The following COLEC11 variants were observed in gnomAD, a reference collection of about 807,000 sequenced individuals.
The protein encoded by COLEC11 is collectin-11.
Under a neutral mutation model 27.3 loss-of-function variants are expected in COLEC11, and 20 were observed. The observed-to-expected ratio is 0.73, with a 90% CI of 0.51 to 1.06. The LOEUF (loss-of-function observed/expected upper bound fraction) is 1.06. Among genes scored for constraint, COLEC11 ranks in the 50% least tolerant of loss-of-function variants. COLEC11 has a pLI of 0.00. For synonymous variants in COLEC11, 163 were observed against 154.7 expected, an observed-to-expected ratio of 1.05 and a Z score of -0.40; for missense variants, 310 against 383.0, an observed-to-expected ratio of 0.81 and a Z score of 1.59.
chr2:3,641,525 T>G (rs2147967635), intron 5 of COLEC11: 1 of 906,656 alleles, frequency 1.1e-6, no homozygotes, highest in Non-Finnish European at 1.5e-6. Flanking sequence ...GGAGGTTAAA[T>G]GAGGAAAGGA....
At chr2:3,604,243 G>A (rs1329858530) in intron 1 of COLEC11, 72 bp from the exon 2 acceptor site, 9 of 1,569,608 alleles carry the variant, frequency 5.7e-6, no homozygotes, top group South Asian at 3.3e-5. Flanking sequence ...CCTTGCCTCC[G>A]AGGCCTGCTC....
intron 5 of COLEC11, among the ~76,000 whole-genome samples, chr2:3,642,426 T>C (rs1308309797): frequency 6.6e-6 from 1 of 152,174 alleles, no homozygotes; most frequent in Non-Finnish European, 1.5e-5. Flanking sequence ...CTTCCCACCA[T>C]GGCTCTGCGT....
At chr2:3,619,444 T>G (rs1452823123) in intron 3 of COLEC11, among the ~76,000 whole-genome samples, 2 of 152,232 alleles carry the variant, frequency 1.3e-5, no homozygotes, top group African/African-American at 4.8e-5. Context: ...GGTGCATTCT[T>G]TGTATATGTG....
At chr2:3,617,166 T>C in intron 3 of COLEC11, among the ~76,000 whole-genome samples, 1 of 152,124 alleles carries the variant, frequency 6.6e-6, no homozygotes, top group East Asian at 1.9e-4. Context: ...TTAAACTTTT[T>C]ATTTGCATAT....
chr2:3,600,125 C>T (rs1353765357), intron 1 of COLEC11, among the ~76,000 whole-genome samples: 1 of 151,106 alleles, frequency 6.6e-6, no homozygotes, highest in East Asian at 2.0e-4. Context: ...GTCCCAGCTA[C>T]TTGCGAAGCT....
At chr2:3,630,842 C>T (rs561085954) in intron 3 of COLEC11, among the ~76,000 whole-genome samples, 5 of 152,310 alleles carry the variant, frequency 3.3e-5, no homozygotes, top group East Asian at 1.9e-4. Flanking sequence ...CCTTCACTCT[C>T]GGCCAGTCTG....
intron 2 of COLEC11, among the ~76,000 whole-genome samples, chr2:3,606,478 T>C (rs916179101): frequency 6.6e-6 from 1 of 152,186 alleles, no homozygotes; most frequent in African/African-American, 2.4e-5. Flanking sequence ...TCACCTGTCC[T>C]CCCAAGCCTC....
At chr2:3,627,504 C>T (rs1020795234) in intron 3 of COLEC11, among the ~76,000 whole-genome samples, 6 of 149,042 alleles carry the variant, frequency 4.0e-5, no homozygotes, top group Non-Finnish European at 8.9e-5. Flanking sequence ...TGGGGTGGAT[C>T]TGGGCATAAT....
At chr2:3,603,932 C>G in intron 1 of COLEC11, 1 of 576,600 alleles carries the variant, frequency 1.7e-6, no homozygotes, top group Non-Finnish European at 3.1e-6. Flanking sequence ...CCTCCCTCCG[C>G]TGTGCCCAGC....
chr2:3,620,008 A>G (rs1664067829), intron 3 of COLEC11, among the ~76,000 whole-genome samples: 1 of 152,160 alleles, frequency 6.6e-6, no homozygotes, highest in Admixed American at 6.5e-5. Context: ...CATCAGGGAT[A>G]TTGGCCTGTA....
Position 3,616,244 on chromosome 2 carries a change from G to A in COLEC11, c.202+2862G>A, listed in dbSNP as rs1349071777. 6.5e-4 allele frequency among the ~76,000 whole-genome samples: 98 copies of A among 150,628 alleles called. 5 individuals carry two copies. Among genetic ancestry groups the A allele is most frequent in the African/African-American group, 2.3e-3 (92 of 40,394 alleles). Reference sequence around the variant, plus strand: ...CTCCTCACTTCCCAGACAGGATGGCGGCCGGGAAGAGGCGCTCCTCACTTC... The same window carrying A: ...CTCCTCACTTCCCAGACAGGATGGCAGCCGGGAAGAGGCGCTCCTCACTTC... On this transcript the variant is annotated intron_variant, in intron 3 of 6. Coordinates refer to ENST00000349077, the MANE Select transcript of COLEC11 (RefSeq NM_024027.5).
chr2:3,605,711 T>C (rs543861898), intron 2 of COLEC11: 10 of 206,994 alleles, frequency 4.8e-5, no homozygotes, highest in Non-Finnish European at 8.9e-5. Flanking sequence ...TGCGGCTCTT[T>C]TTATTGAAAC....
chr2:3,636,282 C>T (rs551997243), intron 3 of COLEC11, among the ~76,000 whole-genome samples: 1 of 152,302 alleles, frequency 6.6e-6, no homozygotes, highest in South Asian at 2.1e-4. Flanking sequence ...TAGTGAAACC[C>T]CATCTCTGCT....
intron 2 of COLEC11, among the ~76,000 whole-genome samples, chr2:3,612,524 G>GGA (rs1336394759): frequency 2.6e-5 from 4 of 152,292 alleles, no homozygotes; most frequent in African/African-American, 9.6e-5. Context: ...ACCACACTGA[G>GGA]GAGAGGCTCA....
rs184709512 is a variant in COLEC11, at chr2:3,611,638, G to A, written c.131-1673G>A. Among the ~76,000 whole-genome samples, 17 of 151,604 alleles carry A rather than the reference G, an allele frequency of 1.1e-4. No homozygotes were observed. In the East Asian group the frequency reaches 2.9e-3, roughly 26 times the overall value. On this transcript the variant is annotated intron_variant, in intron 2 of 6. Coordinates refer to ENST00000349077, the MANE Select transcript of COLEC11 (RefSeq NM_024027.5). ...TCAGAGCAGCATGTGGGTGTTGATC[G>A]TGGGTCAGCCCAGGGGCAGCCCACA...
intron 2 of COLEC11, among the ~76,000 whole-genome samples, chr2:3,607,459 T>C (rs1181768231): frequency 6.9e-6 from 1 of 145,542 alleles, no homozygotes; most frequent in Non-Finnish European, 1.5e-5. Flanking sequence ...CTTTTTTTTT[T>C]TTTTTGAGAT....
chr2:3,624,917 T>C (rs991175305), intron 3 of COLEC11, among the ~76,000 whole-genome samples: 2 of 152,308 alleles, frequency 1.3e-5, no homozygotes, highest in East Asian at 1.9e-4. Context: ...GATTTGTGGA[T>C]CACACTCTGC....
At chr2:3,640,960 A>T (rs1358406267) in intron 5 of COLEC11, among the ~76,000 whole-genome samples, 3 of 131,460 alleles carry the variant, frequency 2.3e-5, no homozygotes, top group South Asian at 2.6e-4. Flanking sequence ...GTGGACACCC[A>T]CCCACCATGT....
At chr2:3,629,779 C>T (rs963206546) in intron 3 of COLEC11, among the ~76,000 whole-genome samples, 3 of 152,156 alleles carry the variant, frequency 2.0e-5, no homozygotes, top group African/African-American at 7.2e-5. Flanking sequence ...CCAGAGAAAG[C>T]CCAGCTGTTA....
Sources: allele counts gnomAD v4.1 joint callset (sites outside exome capture counted in the v4.1 genomes callset), GRCh38; gene constraint gnomAD v4.1.1; transcripts MANE v1.5; gene names NCBI Gene and HGNC (gene_info 2026-07-23, HGNC 2026-07-21).